DOK3: variants seen among roughly 807,000 people sequenced by gnomAD.
DOK3 encodes docking protein 3, also known as Dok-like protein.
A neutral mutation model predicts 26.2 loss-of-function variants in DOK3; 23 were observed. The ratio of observed to expected loss-of-function variants is 0.88; its 90% confidence interval spans 0.63 to 1.24. The LOEUF (loss-of-function observed/expected upper bound fraction) is 1.24. Among genes scored for constraint, DOK3 ranks in the 50% most tolerant of loss-of-function variants. DOK3 has a pLI of 0.00. For synonymous variants in DOK3, 268 were observed against 268.2 expected (o/e 1.00, Z 0.01); for missense variants, 619 against 610.6 (o/e 1.01, Z -0.15).
rs1028870894 is a variant in DOK3, at chr5:177,508,184, C to A, written c.372+53G>T. ...GATGGGATGTGAGCGTGGAGGTGGA[C>A]AAGTCGGGGGCAGGTGCCCCAGCCC... On this transcript the variant is annotated intron_variant, in intron 3 of 5. Coordinates refer to ENST00000510898, the MANE Select transcript of DOK3 (RefSeq NM_001308236.3). 4 of 1,418,344 alleles carry A rather than the reference C, an allele frequency of 2.8e-6. No homozygotes were observed. The East Asian group carries it at 1.0e-4, about 37-fold the overall frequency. The allele number at this position is 1,418,344 out of a possible 1,614,324, so 87.9% of individuals were successfully genotyped here.
intron 3 of DOK3, 24 bp downstream of exon 3, chr5:177,508,213 C>A (rs766116722): frequency 7.7e-7 from 1 of 1,306,750 alleles, no homozygotes; most frequent in East Asian, 2.9e-5. Context: ...CCAGCCCAAT[C>A]GCCCCCCTGC....
chr5:177,507,314 G>A (rs1018586490), intron 3 of DOK3, among the ~76,000 whole-genome samples: 5 of 152,220 alleles, frequency 3.3e-5, no homozygotes, highest in Admixed American at 3.3e-4. Flanking sequence ...ACTGTGCCAG[G>A]CGTTTGTTTG....
intron 3 of DOK3, among the ~76,000 whole-genome samples, chr5:177,506,685 C>CTTTTTTTTTTTTTT: frequency 1.3e-5 from 1 of 75,914 alleles, no homozygotes; most frequent in Non-Finnish European, 2.6e-5. Context: ...TTTTTCTTTT[C>CTTTTTTTTTTTTTT]TTTTTTTTTT....
At chr5:177,508,807 G>C (rs1760585311) in intron 2 of DOK3, 1 of 407,100 alleles carries the variant, frequency 2.5e-6, no homozygotes, top group Non-Finnish European at 4.4e-6. Context: ...AGCTGGGACT[G>C]CTACTGGGTC....
At chr5:177,505,253 G>A in intron 3 of DOK3, 143 bp from the exon 4 acceptor site, 2 of 730,952 alleles carry the variant, frequency 2.7e-6, no homozygotes, top group Non-Finnish European at 4.4e-6. Flanking sequence ...CGCTGCATAA[G>A]CCTAGGTCCC....
At chr5:177,510,126 C>A, upstream of DOK3, 1 of 588,738 alleles carries the variant, frequency 1.7e-6, no homozygotes, top group Non-Finnish European at 3.0e-6. Flanking sequence ...CTCCATGCAG[C>A]ACTCTCCACA....
At chr5:177,510,208 G>C (rs1581797911), upstream of DOK3, 2 of 400,106 alleles carry the variant, frequency 5.0e-6, no homozygotes, top group Non-Finnish European at 9.2e-6. Flanking sequence ...TCAGGGACCT[G>C]TGTGTTCTGG....
Position 177,504,400 on chromosome 5 carries a change from G to A in DOK3, c.906C>T (p.Ala302=), listed in dbSNP as rs767067152. ...GCGGCAGGCTCTGGGGTCCGGGCTC[G>A]GCCAGGTGCATTTTCCTGGACGTGG... The part of the protein sequence containing the change: ...EPPTSRKMHL[A]EPGPQSLPLL... Residue 302 remains alanine (A), a synonymous_variant, in exon 6 of 6, where the codon GCC becomes GCT. Coordinates refer to ENST00000510898, the MANE Select transcript of DOK3 (RefSeq NM_001308236.3). 25 of 1,565,966 alleles carry A rather than the reference G, an allele frequency of 1.6e-5. No individual in the cohort carries two copies. The highest frequency in any genetic ancestry group is 2.1e-5 in the Non-Finnish European group (24 of 1,155,744).
intron 4 of DOK3, 24 bp from the exon 5 acceptor site, chr5:177,504,939 T>C: frequency 6.3e-7 from 1 of 1,578,054 alleles, no homozygotes. Flanking sequence ...CCAGGACAGC[T>C]CCGTCAGTCC....
chr5:177,507,916 C>T (rs919229482), intron 3 of DOK3, among the ~76,000 whole-genome samples: 1 of 152,222 alleles, frequency 6.6e-6, no homozygotes, highest in African/African-American at 2.4e-5. Context: ...GGGGCCTCTG[C>T]CCACGGGACT....
At chr5:177,509,944 A>G (rs1417479978), upstream of DOK3, 7 of 1,528,836 alleles carry the variant, frequency 4.6e-6, no homozygotes, top group Non-Finnish European at 6.2e-6. Context: ...ACCCTTCTCT[A>G]GCCAACTCCT....
At chr5:177,507,440 T>C (rs1268485086) in intron 3 of DOK3, among the ~76,000 whole-genome samples, 1 of 152,198 alleles carries the variant, frequency 6.6e-6, no homozygotes, top group African/African-American at 2.4e-5. Flanking sequence ...GTAGTGCTGC[T>C]ATGGACGTTC....
At position 177,503,201 on chromosome 5, in the gene DOK3, GA is replaced by G; in HGVS notation, c.*781del. ...GGGAACGCAGCATGGAAGTCTTCAG[GA>G]AACTTCTCTCCCCCTGGAATGTCGG... On this transcript the variant is annotated 3_prime_UTR_variant, in exon 6 of 6. Transcript: ENST00000510898. The G allele has an allele frequency of 6.4e-7, 1 of 1,551,630 alleles. No individual in the cohort carries two copies. Among genetic ancestry groups the G allele is most frequent in the Non-Finnish European group, 8.7e-7 (1 of 1,146,952 alleles).
rs1252622106 is a variant in DOK3, at chr5:177,503,890, G to C, written c.*93C>G. ...CCTGCAGGCCAGGGTGGACACAGGC[G>C]TGTGTCTGCATGGGCCCAATGTTTG... On this transcript the variant is annotated 3_prime_UTR_variant, in exon 6 of 6. Coordinates refer to ENST00000510898, the MANE Select transcript of DOK3 (RefSeq NM_001308236.3). 2 of 1,448,126 alleles carry C rather than the reference G, an allele frequency of 1.4e-6. No homozygotes were observed. The highest frequency in any genetic ancestry group is 2.6e-5 in the Admixed American group (1 of 38,816). The allele number at this position is 1,448,126 out of a possible 1,614,324, so 89.7% of individuals were successfully genotyped here. A position where few individuals can be genotyped will look rare whatever the true frequency, so the allele number is the denominator to read the frequency against.
chr5:177,508,601 G>T, intron 2 of DOK3, 59 bp from the exon 3 acceptor site: 1 of 1,448,750 alleles, frequency 6.9e-7, no homozygotes, highest in East Asian at 2.5e-5. Flanking sequence ...CGTGCCACTT[G>T]GCTCAGCACA....
intron 3 of DOK3, among the ~76,000 whole-genome samples, chr5:177,506,757 C>T (rs1477536333): frequency 2.9e-5 from 4 of 136,764 alleles, no homozygotes; most frequent in Non-Finnish European, 6.1e-5. Context: ...GGCATGATCT[C>T]GGCTCACCGC....
rs917363144 is a variant in DOK3 at position 177,503,062 on chromosome 5, T to C, written c.*921A>G. The stretch of plus-strand genomic sequence containing the variant: ...AATGAGGTTCAGGATGTGCCAAGGG[T>C]GTGTGCAGCTGAGGTGGAGTTGCGG... On this transcript the variant is annotated 3_prime_UTR_variant, in exon 6 of 6. Coordinates refer to ENST00000510898, the MANE Select transcript of DOK3 (RefSeq NM_001308236.3). The C allele has an allele frequency of 5.0e-5, 77 of 1,539,908 alleles. No homozygotes were observed. The highest frequency in any genetic ancestry group is 6.7e-5 in the Non-Finnish European group (76 of 1,138,980).
In DOK3 at chr5:177,508,437, C is replaced by T. The variant is rs1346115997; in HGVS notation, c.172G>A (p.Asp58Asn). Reference protein sequence around the residue: ...VRDGGLGAAGDRSAGPGRRGE... With the variant: ...VRDGGLGAAGNRSAGPGRRGE... ...CGCCGGCCAGGCCCTGCCGACCTGT[C>T]ACCCGCTGCTCCCAGGCCACCATCC... The change falls in exon 3 of 6, where the codon GAC becomes AAC. Residue 58 changes from aspartate (D) to asparagine (N), a missense_variant. Asp to Asn is a conservative substitution (Grantham distance 23). Transcript: ENST00000510898. 4 of 1,597,790 alleles carry T rather than the reference C, an allele frequency of 2.5e-6. No homozygotes were observed. The highest frequency in any genetic ancestry group is 3.4e-6 in the Non-Finnish European group (4 of 1,174,496).
chr5:177,508,701 G>A, intron 2 of DOK3, 159 bp from the exon 3 acceptor site: 2 of 783,560 alleles, frequency 2.6e-6, no homozygotes, highest in South Asian at 2.1e-5. Context: ...CTATGCTTGG[G>A]ATTGGTCAGC....
Sources: gnomAD v4.1 joint callset for allele counts (sites outside exome capture counted in the v4.1 genomes callset) on GRCh38, gnomAD v4.1.1 for gene constraint, MANE v1.5 for transcripts, NCBI Gene and HGNC (gene_info 2026-07-23, HGNC 2026-07-21) for gene names.